Variants in ARHGAP39 observed in about 807,000 individuals in gnomAD.
The protein encoded by ARHGAP39 is Rho GTPase activating protein 39, also known as rho GTPase-activating protein 39.
ARHGAP39 carries 44 observed loss-of-function variants against 106.9 expected under a neutral mutation model. That is an observed-to-expected ratio of 0.41 (90% CI 0.32 to 0.53). The LOEUF is 0.53. Among genes scored for constraint, ARHGAP39 ranks in the 20% least tolerant of loss-of-function variants. The pLI is 0.21. For synonymous variants in ARHGAP39, 768 were observed against 693.2 expected, an observed-to-expected ratio of 1.11 and a Z score of -1.69; for missense variants, 1,496 against 1,577.3, an observed-to-expected ratio of 0.95 and a Z score of 0.87.
At chr8:144,682,793 T>C (rs1822461505) in intron 1 of ARHGAP39, among the ~76,000 whole-genome samples, 2 of 152,170 alleles carry the variant, frequency 1.3e-5, no homozygotes, top group Admixed American at 6.5e-5. Flanking sequence ...AGTGGATCAC[T>C]TGAGCTCAGG....
intron 1 of ARHGAP39, among the ~76,000 whole-genome samples, chr8:144,628,489 C>T (rs1820981596): frequency 6.6e-6 from 1 of 152,188 alleles, no homozygotes; most frequent in South Asian, 2.1e-4. Context: ...TACGTGGCAT[C>T]ATCCAGCTTT....
At chr8:144,633,136 TG>T (rs1412073103) in intron 1 of ARHGAP39, among the ~76,000 whole-genome samples, 4 of 148,148 alleles carry the variant, frequency 2.7e-5, no homozygotes, top group Non-Finnish European at 5.9e-5. Flanking sequence ...AGCAAGACCC[TG>T]TTTTTTTTTG....
At chr8:144,603,253 G>T (rs1225541115) in intron 2 of ARHGAP39, among the ~76,000 whole-genome samples, 2 of 150,484 alleles carry the variant, frequency 1.3e-5, no homozygotes, top group Non-Finnish European at 3.0e-5. Context: ...GTGTGTGCTC[G>T]TGTACCTGTG....
intron 6 of ARHGAP39, among the ~76,000 whole-genome samples, chr8:144,540,523 A>C (rs773571577): frequency 5.3e-5 from 8 of 152,250 alleles, no homozygotes; most frequent in Non-Finnish European, 1.0e-4. Flanking sequence ...ATATGAGGCC[A>C]GGCTTGGTGG....
upstream of ARHGAP39, among the ~76,000 whole-genome samples, chr8:144,686,979 C>T (rs1233003776): frequency 2.8e-5 from 3 of 105,978 alleles, no homozygotes; most frequent in Non-Finnish European, 5.8e-5. Context: ...ACTTCCCACC[C>T]CCGTGACCAC....
In ARHGAP39 at chr8:144,668,398, G is replaced by A. The variant is rs190054117; in HGVS notation, c.-82+17288C>T. Among the ~76,000 whole-genome samples the A allele has an allele frequency of 1.0e-3, 157 of 152,180 alleles. 1 individual carries two copies. Among genetic ancestry groups the A allele is most frequent in the Non-Finnish European group, 9.4e-4 (64 of 68,004 alleles). On this transcript the variant is annotated intron_variant, in intron 1 of 11. Coordinates refer to ENST00000377307, the MANE Select transcript of ARHGAP39 (RefSeq NM_025251.3). The stretch of plus-strand genomic sequence containing the variant: ...TGAGGCTGCAGTGAGTCAAAATCGC[G>A]CCACTGCACTCCATCATGGGTGGTG...
chr8:144,699,140 T>A, the ARHGAP39 span: 1 of 291,674 alleles, frequency 3.4e-6, no homozygotes. Context: ...GGGTGGGGAC[T>A]GTAAGCCCTG....
At position 144,581,293 on chromosome 8, in the gene ARHGAP39, GT is replaced by G; in HGVS notation, c.81-17del. 6.5e-7 allele frequency: 1 copy of G among 1,528,066 alleles called. No homozygotes were observed. Among genetic ancestry groups the G allele is most frequent in the Admixed American group, 2.0e-5 (1 of 50,226 alleles). The allele number at this position is 1,528,066 out of a possible 1,614,324, so 94.7% of individuals were successfully genotyped here. The stretch of plus-strand genomic sequence containing the variant: ...CCACTCCAACCTGGGGAGAGACAGG[GT>G]TAAGGCGGCTGGAGCCACGGCGGCC... On this transcript the variant is annotated splice_polypyrimidine_tract_variant and intron_variant, in intron 2 of 11. Transcript: ENST00000377307.
intron 3 of ARHGAP39, among the ~76,000 whole-genome samples, chr8:144,572,412 C>A (rs1489347595): frequency 6.6e-6 from 1 of 152,198 alleles, no homozygotes; most frequent in Non-Finnish European, 1.5e-5. Context: ...ACTGGGAAAA[C>A]TGGCTAGCCA....
rs953409587 is a variant in ARHGAP39, at chr8:144,679,841, A to G, written c.-82+5845T>C. On this transcript the variant is annotated intron_variant, in intron 1 of 11. Transcript: ENST00000377307. This position sits in a 1 kb window ranked among gnomAD's most constrained non-coding sequence, Gnocchi z 4.7. ...TAAAAACACAAAAAATTAGCCGGGC[A>G]TGGTGGTAGGCACCTGTAGTCCCAG... is the stretch of plus-strand genomic sequence containing the variant. Among the ~76,000 whole-genome samples, 2 of 152,152 alleles carry G rather than the reference A, an allele frequency of 1.3e-5. No homozygotes were observed. Among genetic ancestry groups the G allele is most frequent in the East Asian group, 1.9e-4 (1 of 5,184 alleles).
chr8:144,637,995 C>T (rs899957624), intron 1 of ARHGAP39, among the ~76,000 whole-genome samples: 1 of 152,086 alleles, frequency 6.6e-6, no homozygotes, highest in Non-Finnish European at 1.5e-5. Flanking sequence ...ACGCCCAGCT[C>T]ATTCTTTCCT....
chr8:144,571,205 C>T (rs959962966), intron 3 of ARHGAP39, among the ~76,000 whole-genome samples: 3 of 152,152 alleles, frequency 2.0e-5, no homozygotes, highest in Non-Finnish European at 2.9e-5. Context: ...TACCAATATC[C>T]CTGGTGAACA....
At chr8:144,683,302 G>C (rs548963797) in intron 1 of ARHGAP39, 1 of 149,960 alleles carries the variant, frequency 6.7e-6, no homozygotes, top group Non-Finnish European at 1.5e-5. Context: ...GCGACAGAGC[G>C]AGACTCTGTC....
At chr8:144,538,841 G>C (rs1400915424) in intron 6 of ARHGAP39, among the ~76,000 whole-genome samples, 1 of 151,938 alleles carries the variant, frequency 6.6e-6, no homozygotes, top group African/African-American at 2.4e-5. Context: ...AAAGTGCTGG[G>C]ATTACAGGTG....
At chr8:144,603,313 GTGTGCA>G (rs1820150101) in intron 2 of ARHGAP39, among the ~76,000 whole-genome samples, 1 of 151,880 alleles carries the variant, frequency 6.6e-6, no homozygotes. Context: ...GTGTGTGTGC[GTGTGCA>G]TGTACCTGCA....
chr8:144,551,787 C>T (rs1817701852), intron 4 of ARHGAP39, among the ~76,000 whole-genome samples: 1 of 152,208 alleles, frequency 6.6e-6, no homozygotes, highest in African/African-American at 2.4e-5. Context: ...TGCCCCGGCC[C>T]CCGGGAGCAA....
chr8:144,639,583 G>A (rs1322908456), intron 1 of ARHGAP39, among the ~76,000 whole-genome samples: 5 of 151,736 alleles, frequency 3.3e-5, no homozygotes, highest in African/African-American at 1.2e-4. Flanking sequence ...ACGTATTCCT[G>A]TCAATGGTTG....
chr8:144,537,612 C>A, intron 7 of ARHGAP39, 109 bp downstream of exon 7: 1 of 904,496 alleles, frequency 1.1e-6, no homozygotes, highest in Non-Finnish European at 1.7e-6. Flanking sequence ...GGTTAGTGGC[C>A]CCATCCCCCC....
chr8:144,680,512 A>C (rs1320018199), intron 1 of ARHGAP39, among the ~76,000 whole-genome samples: 2 of 152,212 alleles, frequency 1.3e-5, no homozygotes, highest in East Asian at 3.8e-4. Flanking sequence ...TTAATCACAG[A>C]AGGACTCATA....
Sources: gnomAD v4.1 joint callset for allele counts (sites outside exome capture counted in the v4.1 genomes callset) on GRCh38, gnomAD v4.1.1 for gene constraint, Gnocchi (gnomAD v3.1) non-coding constraint, MANE v1.5 for transcripts, NCBI Gene and HGNC (gene_info 2026-07-23, HGNC 2026-07-21) for gene names.